Variants in MMP20 observed in about 807,000 individuals in gnomAD.
MMP20 encodes matrix metalloproteinase-20.
Under a neutral mutation model 51.8 loss-of-function variants are expected in MMP20, and 50 were observed. The observed-to-expected ratio is 0.97, with a 90% CI of 0.77 to 1.22. The LOEUF (loss-of-function observed/expected upper bound fraction) is 1.22, where lower values mean the gene tolerates loss of function less well. Among genes scored for constraint, MMP20 ranks in the 50% most tolerant of loss-of-function variants. The pLI, the probability that MMP20 is intolerant of heterozygous loss-of-function variation, is 0.00. For synonymous variants in MMP20, 244 were observed against 216.2 expected (o/e 1.13, Z -1.13); for missense variants, 663 against 601.4 (o/e 1.10, Z -1.07).
chr11:102,611,678 G>T (rs199606688), intron 3 of MMP20, 77 bp downstream of exon 3: 1 of 1,553,486 alleles, frequency 6.4e-7, no homozygotes, highest in Non-Finnish European at 8.8e-7. Flanking sequence ...GTGATCACTC[G>T]AATTAAAGAT....
intron 8 of MMP20, among the ~76,000 whole-genome samples, chr11:102,581,654 C>A (rs1223118606): frequency 6.6e-6 from 1 of 152,208 alleles, no homozygotes; most frequent in Non-Finnish European, 1.5e-5. Context: ...ACATGAAATA[C>A]AGCTTCAGAT....
intron 5 of MMP20, 156 bp from the exon 6 acceptor site, chr11:102,606,832 C>A: frequency 1.2e-6 from 1 of 821,544 alleles, no homozygotes. Context: ...TCCCGGCTCT[C>A]CTGGTTGCTG....
chr11:102,578,435 C>T (rs1181321898), intron 9 of MMP20, among the ~76,000 whole-genome samples: 2 of 152,186 alleles, frequency 1.3e-5, no homozygotes, highest in South Asian at 2.1e-4. Context: ...CTGTGCCCAA[C>T]CAAGACTATG....
chr11:102,616,802 A>C lies in MMP20; in HGVS notation c.374+10T>G, dbSNP rs1204316342. 1 of 1,614,070 alleles carries C rather than the reference A, an allele frequency of 6.2e-7. No individual in the cohort carries two copies. On this transcript the variant is annotated intron_variant, in intron 2 of 9. Coordinates refer to ENST00000260228, the MANE Select transcript of MMP20 (RefSeq NM_004771.4). ...TTTTCTCTGAATTTGGAAAGACTTG[A>C]TCTCATTACCTGTATGTCAAAGTAT...
chr11:102,594,624 T>G lies in MMP20; in HGVS notation c.1087A>C (p.Lys363Gln), dbSNP rs1213571655. 1 of 1,613,706 alleles carries G rather than the reference T, an allele frequency of 6.2e-7. No homozygotes were observed. The highest frequency in any genetic ancestry group is 8.5e-7 in the Non-Finnish European group (1 of 1,179,946). The change falls in exon 7 of 10, where the codon AAA (lysine) becomes CAA (glutamine). Residue 363 changes from lysine (K) to glutamine (Q), a missense_variant. Transcript: ENST00000260228. ...VAERGTAYFF[K>Q]GPHYWITRGF... The stretch of plus-strand genomic sequence containing the variant: ...CTTTGAGGGATCTGTAGGGTACCTT[T>G]GAAGAAGTAAGCAGTGCCCCTCTCA...
intron 8 of MMP20, among the ~76,000 whole-genome samples, chr11:102,580,432 C>A (rs1280727315): frequency 2.0e-5 from 3 of 152,096 alleles, no homozygotes; most frequent in African/African-American, 7.2e-5. Context: ...GATCCACCCA[C>A]CATCTCTTGA....
chr11:102,590,797 C>T (rs1315032775), intron 8 of MMP20, among the ~76,000 whole-genome samples: 2 of 152,120 alleles, frequency 1.3e-5, no homozygotes, highest in East Asian at 3.8e-4. Flanking sequence ...CATTTATCTC[C>T]TTTGTCCTTT....
intron 6 of MMP20, among the ~76,000 whole-genome samples, chr11:102,601,671 G>A (rs958834031): frequency 5.9e-5 from 9 of 152,106 alleles, no homozygotes; most frequent in South Asian, 2.1e-4. Context: ...ATGAAACTCC[G>A]TGAAAATTGT....
Position 102,625,311 on chromosome 11 carries a change from C to G in MMP20, c.9G>C (p.Val3=), listed in dbSNP as rs1363193508. ...AGACAGCAAGGCCAGATGCAGGGAG[C>G]ACCTTCATCCCCTCACAGTAGCTTG... MK[V]LPASGLAVFL... is the part of the protein sequence containing the mutation. Residue 3 remains valine (V), a synonymous_variant, in exon 1 of 10, where the codon GTG becomes GTC. Coordinates refer to ENST00000260228, the MANE Select transcript of MMP20 (RefSeq NM_004771.4). The G allele has an allele frequency of 1.2e-6, 2 of 1,613,234 alleles. No homozygotes were observed. Among genetic ancestry groups the G allele is most frequent in the East Asian group, 4.5e-5 (2 of 44,830 alleles).
intron 8 of MMP20, among the ~76,000 whole-genome samples, chr11:102,588,243 T>C (rs1198512185): frequency 6.6e-6 from 1 of 152,076 alleles, no homozygotes; most frequent in African/African-American, 2.4e-5. Context: ...TCTATTTCTC[T>C]CCCCTTCCTT....
intron 1 of MMP20, among the ~76,000 whole-genome samples, chr11:102,618,676 G>A (rs978238323): frequency 6.6e-5 from 10 of 151,906 alleles, no homozygotes; most frequent in African/African-American, 2.2e-4. Context: ...ACATATACAC[G>A]CATATACACA....
At chr11:102,578,943 A>G in intron 9 of MMP20, 96 bp downstream of exon 9, 10 of 860,526 alleles carry the variant, frequency 1.2e-5, no homozygotes, top group Non-Finnish European at 1.6e-5. Context: ...AAAACCAAGG[A>G]CTCCCACTTG....
rs749252480 is a variant in MMP20 at position 102,616,907 on chromosome 11, G to A, written c.279C>T (p.Asn93=). Residue 93 remains asparagine (N), a synonymous_variant, in exon 2 of 10, where the codon AAC becomes AAT. Coordinates refer to ENST00000260228, the MANE Select transcript of MMP20 (RefSeq NM_004771.4). ...VTGKLDQTTM[N]VIKKPRCGVP... The stretch of plus-strand genomic sequence containing the variant: ...CTCCACAGCGAGGCTTCTTGATCAC[G>A]TTCATTGTGGTCTGGTCTAACTTCC... 11 of 1,614,064 alleles carry A rather than the reference G, an allele frequency of 6.8e-6. No homozygotes were observed. Among genetic ancestry groups the A allele is most frequent in the Middle Eastern group, 1.6e-4 (1 of 6,084 alleles).
intron 7 of MMP20, 132 bp from the exon 8 acceptor site, chr11:102,593,727 A>G: frequency 1.0e-6 from 1 of 967,858 alleles, no homozygotes; most frequent in South Asian, 1.5e-5. Context: ...ACCCAACAAG[A>G]GATATAAGCT....
At chr11:102,607,067 A>T (rs981505000) in intron 5 of MMP20, 2 of 189,482 alleles carry the variant, frequency 1.1e-5, no homozygotes, top group African/African-American at 4.7e-5. Context: ...TTAGAAATGT[A>T]ATTTAAAAAT....
intron 1 of MMP20, among the ~76,000 whole-genome samples, chr11:102,620,789 G>T (rs1859740516): frequency 6.6e-6 from 1 of 152,184 alleles, no homozygotes; most frequent in Non-Finnish European, 1.5e-5. Flanking sequence ...CCAGGATCAG[G>T]TTTGGGGCCA....
At chr11:102,618,447 T>A (rs1400236064) in intron 1 of MMP20, among the ~76,000 whole-genome samples, 1 of 151,666 alleles carries the variant, frequency 6.6e-6, no homozygotes, top group African/African-American at 2.4e-5. Flanking sequence ...ATAAAGATAA[T>A]AAGTAATTGG....
At chr11:102,590,281 A>C (rs1379221988) in intron 8 of MMP20, among the ~76,000 whole-genome samples, 1 of 152,224 alleles carries the variant, frequency 6.6e-6, no homozygotes, top group African/African-American at 2.4e-5. Context: ...AGGAAGGAAT[A>C]AAAGTAAGGG....
At chr11:102,618,189 T>TC (rs1360874741) in intron 1 of MMP20, among the ~76,000 whole-genome samples, 2 of 152,166 alleles carry the variant, frequency 1.3e-5, no homozygotes, top group Non-Finnish European at 2.9e-5. Flanking sequence ...CTGAAACAGA[T>TC]GCAACCGTCG....
Sources: gnomAD v4.1 joint callset for allele counts (sites outside exome capture counted in the v4.1 genomes callset) on GRCh38, gnomAD v4.1.1 for gene constraint, MANE v1.5 for transcripts, NCBI Gene and HGNC (gene_info 2026-07-23, HGNC 2026-07-21) for gene names.